RBFOX1: variants seen among roughly 807,000 people sequenced by gnomAD.
The protein encoded by RBFOX1 is RNA binding fox-1 homolog 1, also known as RNA binding protein fox-1 homolog 1.
RBFOX1 carries 8 observed loss-of-function variants against 57.7 expected under a neutral mutation model. The ratio of observed to expected loss-of-function variants is 0.14; its 90% CI spans 0.08 to 0.25. RBFOX1 has a LOEUF of 0.25. Ranked by LOEUF, RBFOX1 falls within the 10% of genes least tolerant of loss-of-function variation. The pLI is 1.00. For missense variants in RBFOX1, 611 were observed against 548.5 expected (o/e 1.11, Z -1.14); for synonymous variants, 326 against 222.4 (o/e 1.47, Z -4.15).
intron 2 of RBFOX1, among the ~76,000 whole-genome samples, chr16:5,492,432 A>G (rs1489249911): frequency 6.6e-6 from 1 of 152,222 alleles, no homozygotes; most frequent in Non-Finnish European, 1.5e-5. Context: ...ATACAAAGAC[A>G]CAATCACAAA....
At chr16:7,639,581 G>A (rs1023380791) in intron 11 of RBFOX1, among the ~76,000 whole-genome samples, 1 of 151,982 alleles carries the variant, frequency 6.6e-6, no homozygotes, top group Admixed American at 6.6e-5. Flanking sequence ...ATATTCTTGG[G>A]GGGACACATA....
At chr16:6,818,653 T>A (rs895770797) in intron 3 of RBFOX1, among the ~76,000 whole-genome samples, 1 of 152,172 alleles carries the variant, frequency 6.6e-6, no homozygotes, top group African/African-American at 2.4e-5. Flanking sequence ...ATTATTCATT[T>A]TTCCCCCCTT....
At chr16:6,241,198 T>C (rs1380817421) in intron 1 of RBFOX1, among the ~76,000 whole-genome samples, 3 of 152,144 alleles carry the variant, frequency 2.0e-5, no homozygotes, top group Non-Finnish European at 2.9e-5. Context: ...AATATGCAAA[T>C]TCCCGTTCAG....
intron 1 of RBFOX1, among the ~76,000 whole-genome samples, chr16:6,146,305 T>C (rs906392088): frequency 6.6e-6 from 1 of 152,158 alleles, no homozygotes; most frequent in Non-Finnish European, 1.5e-5. Context: ...AAATATTATT[T>C]GAGTCTTTCC....
At chr16:5,718,032 C>T (rs1046192095) in intron 3 of RBFOX1, among the ~76,000 whole-genome samples, 1 of 152,180 alleles carries the variant, frequency 6.6e-6, no homozygotes, top group African/African-American at 2.4e-5. Flanking sequence ...GACTTCTTTG[C>T]CTCTTGACTT....
At chr16:6,424,670 C>G (rs1308859984) in intron 2 of RBFOX1, among the ~76,000 whole-genome samples, 1 of 150,162 alleles carries the variant, frequency 6.7e-6, no homozygotes, top group East Asian at 2.0e-4. Flanking sequence ...GATGGATCTA[C>G]AAGGATGTTC....
chr16:7,296,102 T>G (rs185359473), intron 4 of RBFOX1, among the ~76,000 whole-genome samples: 1 of 150,832 alleles, frequency 6.6e-6, no homozygotes, highest in Non-Finnish European at 1.5e-5. Flanking sequence ...ATCTCGGTGG[T>G]TCCCAAATGC....
chr16:6,827,586 G>T (rs2092311471), intron 3 of RBFOX1, among the ~76,000 whole-genome samples: 1 of 152,144 alleles, frequency 6.6e-6, no homozygotes, highest in South Asian at 2.1e-4. Flanking sequence ...CCGTCTCAGA[G>T]GGCCAGTCTC....
intron 2 of RBFOX1, among the ~76,000 whole-genome samples, chr16:6,498,261 A>G (rs568504207): frequency 6.6e-6 from 1 of 151,982 alleles, no homozygotes. Context: ...CAAAACAAAA[A>G]AAAAAAAAAG....
At chr16:6,910,915 G>C (rs899740405) in intron 3 of RBFOX1, among the ~76,000 whole-genome samples, 2 of 152,128 alleles carry the variant, frequency 1.3e-5, no homozygotes, top group Non-Finnish European at 2.9e-5. Context: ...TAAAGAGGAA[G>C]GAGGGTCAGG....
intron 4 of RBFOX1, among the ~76,000 whole-genome samples, chr16:7,288,344 A>G (rs796375137): frequency 8.5e-5 from 13 of 152,316 alleles, no homozygotes; most frequent in African/African-American, 3.1e-4. Flanking sequence ...AAGGTGAGAA[A>G]ATCACACTCA....
chr16:5,763,810 G>T (rs1239969821), intron 3 of RBFOX1, among the ~76,000 whole-genome samples: 1 of 152,170 alleles, frequency 6.6e-6, no homozygotes, highest in East Asian at 1.9e-4. Flanking sequence ...TTGCTCAAAT[G>T]CTCCCTTCTG....
At chr16:5,628,648 C>G (rs1033639999) in intron 3 of RBFOX1, among the ~76,000 whole-genome samples, 1 of 152,224 alleles carries the variant, frequency 6.6e-6, no homozygotes, top group Non-Finnish European at 1.5e-5. Flanking sequence ...ACAGCTGAGA[C>G]AGCTGCTGGG....
At chr16:6,026,708 G>A (rs775979550) in intron 1 of RBFOX1, among the ~76,000 whole-genome samples, 21 of 152,226 alleles carry the variant, frequency 1.4e-4, no homozygotes, top group Non-Finnish European at 2.5e-4. Flanking sequence ...CTAGATTTCT[G>A]CACTGGTGCA....
chr16:7,585,873 G>A (rs570369563), intron 6 of RBFOX1, among the ~76,000 whole-genome samples: 1 of 152,078 alleles, frequency 6.6e-6, no homozygotes, highest in African/African-American at 2.4e-5. Context: ...AACCTCCCCT[G>A]CTTCTTGTGT....
At chr16:5,932,887 C>G (rs932465366) in intron 4 of RBFOX1, among the ~76,000 whole-genome samples, 21 of 152,110 alleles carry the variant, frequency 1.4e-4, no homozygotes, top group African/African-American at 5.1e-4. Context: ...CATTGCCAAG[C>G]CATTTGGTCC....
chr16:6,998,994 G>C (rs957278268), intron 3 of RBFOX1, among the ~76,000 whole-genome samples: 1 of 151,152 alleles, frequency 6.6e-6, no homozygotes, highest in Non-Finnish European at 1.5e-5. Flanking sequence ...TCGGCATCCT[G>C]AGTAGCTGGA....
chr16:7,540,408 C>T (rs572340014), intron 5 of RBFOX1, among the ~76,000 whole-genome samples: 1 of 152,140 alleles, frequency 6.6e-6, no homozygotes, highest in South Asian at 2.1e-4. Context: ...TCAGGTGTTA[C>T]CCATGCAAGA....
chr16:7,336,046 G>A (rs368882015), intron 4 of RBFOX1, among the ~76,000 whole-genome samples: 23 of 152,252 alleles, frequency 1.5e-4, no homozygotes, highest in African/African-American at 5.3e-4. Context: ...TGATATCTTT[G>A]GATAAGAAGA....
Sources: gnomAD v4.1 joint callset for allele counts (sites outside exome capture counted in the v4.1 genomes callset) on GRCh38, gnomAD v4.1.1 for gene constraint, MANE v1.5 for transcripts, NCBI Gene and HGNC (gene_info 2026-07-23, HGNC 2026-07-21) for gene names.